ZNF474: variants seen among roughly 807,000 people sequenced by gnomAD.
ZNF474 encodes the protein zinc finger protein 474, also known as 4933409D10Rik.
For synonymous variants in ZNF474, 192 were observed against 162.2 expected (o/e 1.18, Z -1.39); for missense variants, 511 against 433.8 (o/e 1.18, Z -1.58).
chr5:122,153,022 T>C lies in ZNF474; in HGVS notation c.1032T>C (p.Thr344=). 6.2e-7 allele frequency: 1 copy of C among 1,614,140 alleles called. No individual in the cohort carries two copies. The highest frequency in any genetic ancestry group is 1.3e-5 in the African/African-American group (1 of 75,046). ...GGAACAGGGCAGCACCCAGTGTAAC[T>C]GATAAGGTAATTCATGCCACACAAG... ...QQRNRAAPSV[T]DKVIHATQDA... The change falls in exon 2 of 2, where the codon ACT becomes ACC. Residue 344 remains threonine, a synonymous_variant. Transcript: ENST00000296600.
intron 1 of ZNF474, among the ~76,000 whole-genome samples, chr5:122,144,947 A>G (rs1755948655): frequency 6.6e-6 from 1 of 152,220 alleles, no homozygotes; most frequent in South Asian, 2.1e-4. Context: ...TGAAAATTAC[A>G]GGCTTGATCT....
At position 122,141,300 on chromosome 5, in the gene ZNF474, ATTTTTTT is replaced by A. The variant is rs368273210; in HGVS notation, c.-212-10460_-212-10454del. ...CGAGTAGCTGGGATTACCCCTGGCTATTTTTTTTTTTTTTTTTTTTTTTTTGTGAGAG... is the reference window on the plus strand; with the variant it reads ...CGAGTAGCTGGGATTACCCCTGGCTATTTTTTTTTTTTTTTTTTGTGAGAG... On this transcript the variant is annotated intron_variant, in intron 1 of 1. Transcript: ENST00000296600. Among the ~76,000 whole-genome samples, 71 of 64,364 alleles carry A rather than the reference ATTTTTTT, an allele frequency of 1.1e-3. 1 individual carries two copies. Among genetic ancestry groups the A allele is most frequent in the African/African-American group, 4.9e-3 (67 of 13,590 alleles). 42.2% of individuals were successfully genotyped at this position (64,364 alleles called of 152,430 possible). A position where few individuals can be genotyped will look rare whatever the true frequency, so the allele number is the denominator to read the frequency against.
rs1756205799 is a variant in ZNF474 at position 122,152,269 on chromosome 5, A to G, written c.279A>G (p.Gly93=). ...SPPVIPARRP[G]FRVCYICGRE... ...CTGTGATCCCGGCCCGCAGGCCTGG[A>G]TTCCGGGTATGCTATATCTGTGGCC... Residue 93 remains glycine (G), a synonymous_variant, in exon 2 of 2, where the codon GGA becomes GGG. Coordinates refer to ENST00000296600, the MANE Select transcript of ZNF474 (RefSeq NM_207317.3). The G allele has an allele frequency of 1.9e-6, 3 of 1,614,204 alleles. No homozygotes were observed. Among genetic ancestry groups the G allele is most frequent in the Non-Finnish European group, 2.5e-6 (3 of 1,180,034 alleles).
At chr5:122,137,710 A>T (rs558527490) in intron 1 of ZNF474, among the ~76,000 whole-genome samples, 2 of 152,214 alleles carry the variant, frequency 1.3e-5, no homozygotes, top group South Asian at 4.1e-4. Context: ...GAGCAAAAGG[A>T]GATAGGCAGA....
At chr5:122,141,642 G>T (rs1376658046) in intron 1 of ZNF474, among the ~76,000 whole-genome samples, 1 of 151,570 alleles carries the variant, frequency 6.6e-6, no homozygotes, top group Admixed American at 6.6e-5. Flanking sequence ...GTTTCACCAT[G>T]TTGGCCAGGC....
intron 1 of ZNF474, among the ~76,000 whole-genome samples, chr5:122,149,619 A>G (rs1421638926): frequency 6.6e-6 from 1 of 152,210 alleles, no homozygotes; most frequent in Admixed American, 6.5e-5. Flanking sequence ...CAGTTCTGTC[A>G]TTTAGAAACT....
In ZNF474 at chr5:122,152,966, C is replaced by T. The variant is rs781034026; in HGVS notation, c.976C>T (p.Leu326=). The T allele has an allele frequency of 4.3e-6, 7 of 1,613,954 alleles. No homozygotes were observed. Among genetic ancestry groups the T allele is most frequent in the Non-Finnish European group, 5.9e-6 (7 of 1,180,020 alleles). Residue 326 remains leucine (L), a synonymous_variant, in exon 2 of 2, where the codon CTA becomes TTA. Coordinates refer to ENST00000296600, the MANE Select transcript of ZNF474 (RefSeq NM_207317.3). The stretch of plus-strand genomic sequence containing the variant: ...TTTGAATTTAGGGAGTAAAGGAGGC[C>T]TAAAAGAGTACACTAATTCCAAGCA... The part of the protein sequence containing the change: ...QNLNLGSKGG[L]KEYTNSKQQR...
rs532475989 is a variant in ZNF474, at chr5:122,130,101, G to C, written c.-213+418G>C. Among the ~76,000 whole-genome samples, 10 of 152,080 alleles carry C rather than the reference G, an allele frequency of 6.6e-5. No homozygotes were observed. The East Asian group carries it at 1.7e-3, about 26-fold the overall frequency. The stretch of plus-strand genomic sequence containing the variant: ...TTAATTCAGAACTATATGTTTATTA[G>C]CCAGATTATCCATGAAAGAAAAGGG... On this transcript the variant is annotated intron_variant, in intron 1 of 1. Transcript: ENST00000296600.
intron 1 of ZNF474, among the ~76,000 whole-genome samples, chr5:122,138,874 T>G (rs1427983055): frequency 1.3e-5 from 2 of 152,162 alleles, no homozygotes; most frequent in African/African-American, 4.8e-5. Flanking sequence ...ACTGATAAAA[T>G]TCTATTTTCT....
chr5:122,139,423 A>T (rs1479200320), intron 1 of ZNF474, among the ~76,000 whole-genome samples: 2 of 152,144 alleles, frequency 1.3e-5, no homozygotes, highest in Non-Finnish European at 1.5e-5. Context: ...AATTTATTTT[A>T]TTGTCAATTT....
At chr5:122,143,517 T>C (rs2152605350) in intron 1 of ZNF474, among the ~76,000 whole-genome samples, 1 of 152,284 alleles carries the variant, frequency 6.6e-6, no homozygotes, top group East Asian at 1.9e-4. Context: ...CCATAATATA[T>C]CAATTTTAGA....
At chr5:122,149,316 C>A (rs114513058) in intron 1 of ZNF474, among the ~76,000 whole-genome samples, 1 of 152,164 alleles carries the variant, frequency 6.6e-6, no homozygotes, top group Non-Finnish European at 1.5e-5. Context: ...AGTCCCCTGT[C>A]ACTTAACATT....
At chr5:122,136,024 T>A (rs569953186) in intron 1 of ZNF474, among the ~76,000 whole-genome samples, 1 of 152,172 alleles carries the variant, frequency 6.6e-6, no homozygotes, top group African/African-American at 2.4e-5. Flanking sequence ...TAGGGGTTGG[T>A]TAATGAGCCT....
intron 1 of ZNF474, among the ~76,000 whole-genome samples, chr5:122,138,134 T>C (rs1755752029): frequency 6.6e-6 from 1 of 151,990 alleles, no homozygotes; most frequent in Admixed American, 6.6e-5. Context: ...TATATTAAAA[T>C]GCAAAGGCAG....
intron 1 of ZNF474, among the ~76,000 whole-genome samples, chr5:122,150,554 C>CA (rs1756139743): frequency 6.6e-6 from 1 of 152,124 alleles, no homozygotes; most frequent in African/African-American, 2.4e-5. Context: ...AGCTTCATAC[C>CA]AGGGGCTGCT....
intron 1 of ZNF474, among the ~76,000 whole-genome samples, chr5:122,150,202 T>C (rs1485120635): frequency 6.6e-6 from 1 of 152,200 alleles, no homozygotes; most frequent in East Asian, 1.9e-4. Flanking sequence ...TCCATAGATC[T>C]ACTTTCTCTT....
intron 1 of ZNF474, among the ~76,000 whole-genome samples, chr5:122,134,938 T>C (rs935368652): frequency 6.6e-6 from 1 of 152,190 alleles, no homozygotes; most frequent in African/African-American, 2.4e-5. Context: ...ATTGGTCTGG[T>C]CAAAGACTTA....
chr5:122,153,129 C>T lies in ZNF474; in HGVS notation c.*44C>T. The T allele has an allele frequency of 1.3e-6, 2 of 1,552,490 alleles. No individual in the cohort carries two copies. Among genetic ancestry groups the T allele is most frequent in the Non-Finnish European group, 1.7e-6 (2 of 1,153,164 alleles). Reference sequence around the variant, plus strand: ...TCCCCAGAATCAGCCACCTCAGCCCCTAGTATTTTTTCTATCAATGCCTTG... The same window carrying T: ...TCCCCAGAATCAGCCACCTCAGCCCTTAGTATTTTTTCTATCAATGCCTTG... On this transcript the variant is annotated 3_prime_UTR_variant, in exon 2 of 2. Transcript: ENST00000296600.
chr5:122,142,407 G>C (rs1205344218), intron 1 of ZNF474, among the ~76,000 whole-genome samples: 1 of 152,164 alleles, frequency 6.6e-6, no homozygotes, highest in Non-Finnish European at 1.5e-5. Flanking sequence ...GACAGAACAA[G>C]GCAGTTGAGA....
Sources: allele counts gnomAD v4.1 joint callset (sites outside exome capture counted in the v4.1 genomes callset), GRCh38; gene constraint gnomAD v4.1.1; transcripts MANE v1.5; gene names NCBI Gene and HGNC (gene_info 2026-07-23, HGNC 2026-07-21).